Variants in RPAP1 observed in about 807,000 individuals in gnomAD.
RPAP1 encodes RNA polymerase II associated protein 1.
A neutral mutation model predicts 142.4 loss-of-function variants in RPAP1; 109 were observed. That is an observed-to-expected ratio of 0.77 (90% CI 0.66 to 0.90). RPAP1 has a LOEUF of 0.90. Ranked by LOEUF, RPAP1 falls within the 40% of genes least tolerant of loss-of-function variation. The pLI is 0.00. For missense variants in RPAP1, 1,546 were observed against 1,751.7 expected (o/e 0.88, Z 2.10); for synonymous variants, 704 against 738.9 (o/e 0.95, Z 0.77).
chr15:41,531,584 T>C (rs909750097), intron 6 of RPAP1, among the ~76,000 whole-genome samples: 4 of 146,558 alleles, frequency 2.7e-5, no homozygotes, highest in African/African-American at 9.9e-5. Flanking sequence ...TTAGCTAATT[T>C]ATTTATGCAC....
chr15:41,524,154 G>C lies in RPAP1; in HGVS notation c.2176C>G (p.Leu726Val). 1 of 1,599,558 alleles carries C rather than the reference G, an allele frequency of 6.3e-7. No homozygotes were observed. The highest frequency in any genetic ancestry group is 8.5e-7 in the Non-Finnish European group (1 of 1,171,878). Reference protein sequence around the residue: ...PLSMQRIASLLTLLTQLTLAA... With the variant: ...PLSMQRIASLVTLLTQLTLAA... ...AGGGTTAGCTGGGTGAGGAGAGTGAGCAGTGAGGCTATCCGCTGCATGGAC... is the reference window on the plus strand; with the variant it reads ...AGGGTTAGCTGGGTGAGGAGAGTGACCAGTGAGGCTATCCGCTGCATGGAC... Residue 726 changes from leucine to valine, a missense_variant, in exon 16 of 25, where the codon CTC becomes GTC. This residue lies in a region of RPAP1 where 1,333 missense variants were observed against 1,486.6 expected (regional missense o/e 0.90). Transcript: ENST00000304330.
At position 41,536,188 on chromosome 15, in the gene RPAP1, G is replaced by A; in HGVS notation, c.361C>T (p.Leu121=). The A allele has an allele frequency of 6.2e-7, 1 of 1,614,172 alleles. No individual in the cohort carries two copies. The highest frequency in any genetic ancestry group is 8.5e-7 in the Non-Finnish European group (1 of 1,180,018). The change falls in exon 4 of 25, where the codon CTG becomes TTG. Residue 121 remains leucine, a synonymous_variant. Transcript: ENST00000304330. ...ERDTSSVAVN[L]PVPSGVAFPA... Reference sequence around the variant, plus strand: ...AAAGCAACACCACTGGGCACAGGCAGATTCACGGCCACTGAACTTGTATCT... The same window carrying A: ...AAAGCAACACCACTGGGCACAGGCAAATTCACGGCCACTGAACTTGTATCT...
chr15:41,529,598 TG>T (rs2051827700), intron 8 of RPAP1, 30 bp from the exon 9 acceptor site: 2 of 1,533,244 alleles, frequency 1.3e-6, no homozygotes, highest in Non-Finnish European at 1.8e-6. Flanking sequence ...GACTGTGGTC[TG>T]GGGGCTCCAG....
At chr15:41,524,334 G>T in intron 15 of RPAP1, 80 bp from the exon 16 acceptor site, 2 of 1,282,212 alleles carry the variant, frequency 1.6e-6, no homozygotes, top group Non-Finnish European at 2.1e-6. Context: ...CTGACCCAGG[G>T]ATCTGCAGTT....
In RPAP1 at chr15:41,521,844, G is replaced by C; in HGVS notation, c.2932C>G (p.Leu978Val). The C allele has an allele frequency of 1.2e-6, 2 of 1,614,146 alleles. No homozygotes were observed. Among genetic ancestry groups the C allele is most frequent in the Non-Finnish European group, 8.5e-7 (1 of 1,180,020 alleles). ...AGGGCCAAGGCCATACCATGATAGA[G>C]GGCAGCATGGGTGGCTGGCAGTGGC... is the stretch of plus-strand genomic sequence containing the variant. ...LQPLPATHAALYHGMALALLS... is the reference protein window; with the variant it reads ...LQPLPATHAAVYHGMALALLS... Residue 978 changes from leucine to valine, a missense_variant, in exon 21 of 25, where the codon CTC becomes GTC. Transcript: ENST00000304330.
intron 9 of RPAP1, 25 bp from the exon 10 acceptor site, chr15:41,528,361 A>C (rs2051816742): frequency 6.6e-7 from 1 of 1,525,160 alleles, no homozygotes; most frequent in Admixed American, 1.9e-5. Flanking sequence ...AGAAGTCAGA[A>C]GCAGCCAGGA....
In RPAP1 at chr15:41,517,419, C is replaced by A; in HGVS notation, c.*123G>T. 1.1e-6 allele frequency: 1 copy of A among 938,442 alleles called. No individual in the cohort carries two copies. The highest frequency in any genetic ancestry group is 1.6e-6 in the Non-Finnish European group (1 of 630,968). 58.1% of individuals were successfully genotyped at this position (938,442 alleles called of 1,614,324 possible). The stretch of plus-strand genomic sequence containing the variant: ...CTCAAACAACCTGCTCCCAGGAAGG[C>A]AAGCCTTCTGCTCCTTGGTCTCCTG... On this transcript the variant is annotated 3_prime_UTR_variant, in exon 25 of 25. Coordinates refer to ENST00000304330, the MANE Select transcript of RPAP1 (RefSeq NM_015540.4).
At chr15:41,528,203 G>T in intron 10 of RPAP1, 32 bp downstream of exon 10, 1 of 1,565,268 alleles carries the variant, frequency 6.4e-7, no homozygotes, top group Non-Finnish European at 8.7e-7. Flanking sequence ...TGAAGGGAAG[G>T]GTGGGCAGGA....
At position 41,535,393 on chromosome 15, in the gene RPAP1, C is replaced by T. The variant is rs549155369; in HGVS notation, c.541+119G>A. 5.7e-5 allele frequency: 78 copies of T among 1,375,210 alleles called. 1 individual carries two copies. In the South Asian group the frequency reaches 1.1e-3, roughly 19 times the overall value. The allele number at this position is 1,375,210 out of a possible 1,614,324, so 85.2% of individuals were successfully genotyped here. A position where few individuals can be genotyped will look rare whatever the true frequency, so the allele number is the denominator to read the frequency against. On this transcript the variant is annotated intron_variant, in intron 5 of 24. Coordinates refer to ENST00000304330, the MANE Select transcript of RPAP1 (RefSeq NM_015540.4). ...GCCTCCCATACCTAGTATTCTCAGA[C>T]TACTTGAGATGGCTCAAATGCACCT...
rs1263001681 is a variant in RPAP1 at position 41,536,941 on chromosome 15, T to C, written c.181+4A>G. Reference sequence around the variant, plus strand: ...TTCTCAGCCTCACATCCATGGGAACTCACTGTCCAACATCACCACATCCCG... The same window carrying C: ...TTCTCAGCCTCACATCCATGGGAACCCACTGTCCAACATCACCACATCCCG... On this transcript the variant is annotated splice_donor_region_variant and intron_variant, in intron 2 of 24. Coordinates refer to ENST00000304330, the MANE Select transcript of RPAP1 (RefSeq NM_015540.4). 4 of 1,612,716 alleles carry C rather than the reference T, an allele frequency of 2.5e-6. No homozygotes were observed. Among genetic ancestry groups the C allele is most frequent in the African/African-American group, 1.3e-5 (1 of 75,012 alleles).
chr15:41,534,712 A>G lies in RPAP1; in HGVS notation c.763+2T>C. The G allele has an allele frequency of 6.2e-7, 1 of 1,612,932 alleles. No homozygotes were observed. Among genetic ancestry groups the G allele is most frequent in the Non-Finnish European group, 8.5e-7 (1 of 1,179,650 alleles). Reference sequence around the variant, plus strand: ...CTCAGCAGGAAAGCCAGGCACCCATACCAAGCTGGGCCAGCAACCGCTGCT... The same window carrying G: ...CTCAGCAGGAAAGCCAGGCACCCATGCCAAGCTGGGCCAGCAACCGCTGCT... On this transcript the variant is annotated splice_donor_variant, in intron 6 of 24. Transcript: ENST00000304330. LOFTEE classifies it high-confidence loss of function.
intron 1 of RPAP1, among the ~76,000 whole-genome samples, chr15:41,540,090 C>T (rs1171606910): frequency 2.0e-5 from 3 of 151,960 alleles, no homozygotes; most frequent in African/African-American, 7.2e-5. Context: ...AACTATAAAT[C>T]AATTATAAAA....
chr15:41,536,728 C>A, intron 2 of RPAP1, 79 bp from the exon 3 acceptor site: 1 of 1,538,508 alleles, frequency 6.5e-7, no homozygotes, highest in Non-Finnish European at 8.8e-7. Context: ...AGAAAGACAG[C>A]TGCCATGGGG....
Position 41,537,195 on chromosome 15 carries a change from T to C in RPAP1, c.-70A>G. 6.8e-7 allele frequency: 1 copy of C among 1,480,742 alleles called. No individual in the cohort carries two copies. The highest frequency in any genetic ancestry group is 2.2e-5 in the Admixed American group (1 of 46,444). The allele number at this position is 1,480,742 out of a possible 1,614,324, so 91.7% of individuals were successfully genotyped here. A position where few individuals can be genotyped will look rare whatever the true frequency, so the allele number is the denominator to read the frequency against. On this transcript the variant is annotated 5_prime_UTR_variant, in exon 2 of 25. Coordinates refer to ENST00000304330, the MANE Select transcript of RPAP1 (RefSeq NM_015540.4). ...GTCTCCGTGTGGGGGTTCCCTCTTA[T>C]TCATCCCTAAGAGCAAGAAAGAATA...
intron 14 of RPAP1, among the ~76,000 whole-genome samples, 156 bp downstream of exon 14, chr15:41,526,742 T>G (rs567789094): frequency 6.6e-6 from 1 of 152,202 alleles, no homozygotes; most frequent in East Asian, 1.9e-4. Flanking sequence ...AGTAAACAGG[T>G]TCATGCCTGG....
intron 6 of RPAP1, among the ~76,000 whole-genome samples, chr15:41,531,663 C>T (rs1218849512): frequency 5.6e-5 from 6 of 106,952 alleles, no homozygotes; most frequent in South Asian, 6.8e-4. Flanking sequence ...TTTTTTGAGA[C>T]GGAATCTCGC....
rs1324894844 is a variant in RPAP1 at position 41,534,798 on chromosome 15, T to C, written c.679A>G (p.Ile227Val). Residue 227 changes from isoleucine (I) to valine (V), a missense_variant, in exon 6 of 25, where the codon ATC (isoleucine) becomes GTC (valine). By Grantham distance (29) the Ile-to-Val change is conservative. This residue lies in a region of RPAP1 where 1,333 missense variants were observed against 1,486.6 expected (regional missense o/e 0.90). Coordinates refer to ENST00000304330, the MANE Select transcript of RPAP1 (RefSeq NM_015540.4). ...DQEAEQEAQTIHEENIARLQA... is the reference protein window; with the variant it reads ...DQEAEQEAQTVHEENIARLQA... ...AGTCTTGCTATGTTCTCTTCATGGA[T>C]AGTCTGGGCTTCCTGCTCAGCTTCT... The C allele has an allele frequency of 1.2e-6, 2 of 1,614,060 alleles. No homozygotes were observed. The highest frequency in any genetic ancestry group is 1.7e-5 in the Admixed American group (1 of 60,000).
In RPAP1 at chr15:41,521,048, A is replaced by G; in HGVS notation, c.3138T>C (p.Ala1046=). ...VPRCGQGTLL[A]QACQDLPSIR... is the part of the protein sequence containing the mutation. Reference sequence around the variant, plus strand: ...TGCTGGGGAGGTCCTGGCAGGCCTGAGCCAGCAGAGTCCCTTGCCCACACC... The same window carrying G: ...TGCTGGGGAGGTCCTGGCAGGCCTGGGCCAGCAGAGTCCCTTGCCCACACC... Residue 1046 remains alanine, a synonymous_variant, in exon 22 of 25, where the codon GCT becomes GCC. Coordinates refer to ENST00000304330, the MANE Select transcript of RPAP1 (RefSeq NM_015540.4). 6.3e-7 allele frequency: 1 copy of G among 1,587,106 alleles called. No homozygotes were observed. The highest frequency in any genetic ancestry group is 8.6e-7 in the Non-Finnish European group (1 of 1,166,992).
At chr15:41,528,866 G>A (rs1405914524) in intron 9 of RPAP1, among the ~76,000 whole-genome samples, 1 of 152,148 alleles carries the variant, frequency 6.6e-6, no homozygotes, top group Non-Finnish European at 1.5e-5. Context: ...GGCCTGAGCT[G>A]GGCCAGAAGA....
Sources: allele counts gnomAD v4.1 joint callset (sites outside exome capture counted in the v4.1 genomes callset), GRCh38; gene constraint gnomAD v4.1.1; regional missense constraint gnomAD v4.1.1; transcripts MANE v1.5; gene names NCBI Gene and HGNC (gene_info 2026-07-23, HGNC 2026-07-21).